ARID1B: variants seen among roughly 807,000 people sequenced by gnomAD.
ARID1B encodes AT-rich interaction domain 1B, also known as AT-rich interactive domain-containing protein 1B.
ARID1B carries 30 observed loss-of-function variants against 212.3 expected under a neutral mutation model. The observed-to-expected ratio is 0.14, with a 90% CI of 0.11 to 0.19. The LOEUF (loss-of-function observed/expected upper bound fraction) is 0.19. Among genes scored for constraint, ARID1B ranks in the 10% least tolerant of loss-of-function variants. The pLI is 1.00. For missense variants in ARID1B, 2,891 were observed against 3,204.0 expected (o/e 0.90, Z 2.36); for synonymous variants, 1,402 against 1,301.7 (o/e 1.08, Z -1.66).
chr6:157,058,466 T>C (rs1290995255), intron 4 of ARID1B, among the ~76,000 whole-genome samples: 1 of 152,130 alleles, frequency 6.6e-6, no homozygotes, highest in Non-Finnish European at 1.5e-5. Context: ...GGTTTCACCA[T>C]ATTGGCCAGA....
At chr6:157,084,137 C>CT (rs895278380) in intron 4 of ARID1B, among the ~76,000 whole-genome samples, 8 of 118,588 alleles carry the variant, frequency 6.7e-5, no homozygotes, top group Non-Finnish European at 1.2e-4. Flanking sequence ...TTCATCACCT[C>CT]CCCCCCAAAA....
intron 2 of ARID1B, among the ~76,000 whole-genome samples, chr6:156,854,407 G>A (rs945126807): frequency 2.0e-5 from 3 of 152,220 alleles, no homozygotes; most frequent in East Asian, 3.8e-4. Context: ...CATAACCTGA[G>A]GCAGTTCAGG....
intron 8 of ARID1B, among the ~76,000 whole-genome samples, chr6:157,161,380 A>C (rs548225231): frequency 1.3e-5 from 2 of 151,152 alleles, no homozygotes; most frequent in East Asian, 3.9e-4. Flanking sequence ...TAGCCACACC[A>C]AAAATTGACC....
chr6:157,191,593 C>T (rs550553679), intron 15 of ARID1B, among the ~76,000 whole-genome samples: 3 of 152,018 alleles, frequency 2.0e-5, no homozygotes, highest in African/African-American at 7.3e-5. Context: ...TGATGCCTGC[C>T]GACTCCCAAG....
chr6:157,089,284 C>T (rs1267021769), intron 5 of ARID1B, among the ~76,000 whole-genome samples: 2 of 152,170 alleles, frequency 1.3e-5, no homozygotes, highest in Non-Finnish European at 2.9e-5. Context: ...ATAAACGAAG[C>T]CCAGTAAAGC....
intron 11 of ARID1B, among the ~76,000 whole-genome samples, chr6:157,179,818 C>T (rs141736243): frequency 0.012 from 1,897 of 152,224 alleles, 46 homozygotes; most frequent in African/African-American, 0.044. Flanking sequence ...TACTGGAGAT[C>T]ATTCTGCTAA....
At chr6:156,996,918 C>T (rs1034291015) in intron 4 of ARID1B, among the ~76,000 whole-genome samples, 5 of 151,954 alleles carry the variant, frequency 3.3e-5, no homozygotes, top group African/African-American at 7.3e-5. Flanking sequence ...TTTTAATCTA[C>T]GACTTAAAAG....
chr6:156,899,972 A>C (rs933531090), intron 2 of ARID1B, among the ~76,000 whole-genome samples: 1 of 152,186 alleles, frequency 6.6e-6, no homozygotes, highest in Non-Finnish European at 1.5e-5. Context: ...GAACGGAAGG[A>C]TGTGTGTTGT....
intron 4 of ARID1B, among the ~76,000 whole-genome samples, chr6:156,997,423 A>T (rs572698602): frequency 2.5e-4 from 38 of 152,354 alleles, no homozygotes; most frequent in Admixed American, 1.8e-3. Flanking sequence ...TTTAGTATTG[A>T]AATAACAATT....
chr6:157,179,385 G>C (rs569030182), intron 11 of ARID1B, among the ~76,000 whole-genome samples: 34 of 151,880 alleles, frequency 2.2e-4, no homozygotes, highest in African/African-American at 8.0e-4. Context: ...GTAGGCCTTG[G>C]GTACAAGGAT....
intron 8 of ARID1B, chr6:157,151,833 T>C (rs1324047685): frequency 2.0e-5 from 3 of 152,246 alleles, no homozygotes. Flanking sequence ...ATGCTTTCAC[T>C]ACTGGTTATG....
At position 157,148,123 on chromosome 6, in the gene ARID1B, C is replaced by A. The variant is rs750583250; in HGVS notation, c.2762-501C>A. On this transcript the variant is annotated intron_variant, in intron 7 of 19. Coordinates refer to ENST00000636930, the MANE Select transcript of ARID1B (RefSeq NM_001374828.1). The surrounding 1 kb of genome is among the most constrained non-coding windows in gnomAD (Gnocchi z 5.6). ...GCTCATGTCAGGTTCCCGCGTGACA[C>A]CTTCCTGTGGGGTTTTAAAGGATGA... Among the ~76,000 whole-genome samples the A allele has an allele frequency of 3.9e-5, 6 of 151,930 alleles. No homozygotes were observed. Among genetic ancestry groups the A allele is most frequent in the Admixed American group, 3.3e-4 (5 of 15,264 alleles).
chr6:157,023,965 T>C (rs1266714355), intron 4 of ARID1B: 1 of 152,248 alleles, frequency 6.6e-6, no homozygotes, highest in East Asian at 1.9e-4. Context: ...CTTTAAACTT[T>C]CACCAATTTA....
chr6:156,957,697 C>A (rs1479465713), intron 4 of ARID1B, among the ~76,000 whole-genome samples: 1 of 152,164 alleles, frequency 6.6e-6, no homozygotes, highest in African/African-American at 2.4e-5. Context: ...ATCAGGAAGT[C>A]TTTTCTCCCA....
At chr6:156,944,925 C>CTTTTT in intron 4 of ARID1B, among the ~76,000 whole-genome samples, 1 of 135,374 alleles carries the variant, frequency 7.4e-6, no homozygotes, top group South Asian at 2.3e-4. Flanking sequence ...TTTTCTTTTC[C>CTTTTT]TTTTTTTTTT....
Position 157,190,052 on chromosome 6 carries a change from G to A in ARID1B, c.4073G>A (p.Ser1358Asn). ...CCTCTCTTCAGAAGCAGTACAATCA[G>A]TGTGCACGACCCATTCTCAGATGTG... ...PMQGGRSSTISVHDPFSDVSD... is the reference protein window; with the variant it reads ...PMQGGRSSTINVHDPFSDVSD... Residue 1358 changes from serine to asparagine, a missense_variant, in exon 15 of 20, where the codon AGT (serine) becomes AAT (asparagine). By Grantham distance (46) the Ser-to-Asn change is conservative. Transcript: ENST00000636930. The surrounding 1 kb of genome is among the most constrained non-coding windows in gnomAD (Gnocchi z 4.6). 1.2e-6 allele frequency: 2 copies of A among 1,614,046 alleles called. No homozygotes were observed. The highest frequency in any genetic ancestry group is 1.7e-6 in the Non-Finnish European group (2 of 1,179,950).
At chr6:157,073,819 G>A (rs144348288) in intron 4 of ARID1B, among the ~76,000 whole-genome samples, 3,804 of 152,294 alleles carry the variant, frequency 0.025, 74 homozygotes, top group Non-Finnish European at 0.038. Context: ...TATTTAACGA[G>A]CACAGATCTT....
chr6:157,019,506 GT>G (rs1356085372), intron 4 of ARID1B, among the ~76,000 whole-genome samples: 1 of 152,152 alleles, frequency 6.6e-6, no homozygotes, highest in East Asian at 1.9e-4. Flanking sequence ...TCTGTTTAGT[GT>G]TACCTGAGTC....
At chr6:156,990,248 A>G (rs1461357413) in intron 4 of ARID1B, among the ~76,000 whole-genome samples, 3 of 148,920 alleles carry the variant, frequency 2.0e-5, no homozygotes, top group Non-Finnish European at 4.4e-5. Flanking sequence ...ATCATAGCTC[A>G]CTGCAGCCTG....
Sources: gnomAD v4.1 joint callset for allele counts (sites outside exome capture counted in the v4.1 genomes callset) on GRCh38, gnomAD v4.1.1 for gene constraint, Gnocchi (gnomAD v3.1) non-coding constraint, MANE v1.5 for transcripts, NCBI Gene and HGNC (gene_info 2026-07-23, HGNC 2026-07-21) for gene names.